XRCC6: variants seen among roughly 807,000 people sequenced by gnomAD.
XRCC6 encodes X-ray repair cross complementing 6, also known as DNA repair protein Ku70.
Under a neutral mutation model 65.7 loss-of-function variants are expected in XRCC6, and 5 were observed. The observed-to-expected ratio is 0.08, with a 90% CI of 0.04 to 0.16. XRCC6 has a LOEUF of 0.16. XRCC6 is among the 10% of genes least tolerant of loss of function. XRCC6 has a pLI of 1.00. For missense variants in XRCC6, 447 were observed against 738.1 expected (o/e 0.61, Z 4.57); for synonymous variants, 270 against 270.6 (o/e 1.00, Z 0.02).
intron 3 of XRCC6, 123 bp downstream of exon 3, chr22:41,628,353 G>GT: frequency 1.4e-6 from 1 of 691,726 alleles, no homozygotes; most frequent in Non-Finnish European, 2.4e-6. Flanking sequence ...GAGCCTAGGA[G>GT]TTTGAGACCA....
Position 41,661,444 on chromosome 22 carries a change from G to A in XRCC6, c.1636G>A (p.Asp546Asn). ...PEGKVTKRKHDNEGSGSKRPK... is the reference protein window; with the variant it reads ...PEGKVTKRKHNNEGSGSKRPK... ...AGGGAAAGTTACCAAGAGAAAACAC[G>A]GTGAGAAGCTGAATGTGGACATGTG... Residue 546 changes from aspartate (D) to asparagine (N), a missense_variant and splice_region_variant, in exon 12 of 13, where the codon GAT (aspartate) becomes AAT (asparagine). This residue lies in a region of XRCC6 where 201 missense variants were observed against 374.1 expected (regional missense o/e 0.54). Transcript: ENST00000360079. 3 of 1,613,066 alleles carry A rather than the reference G, an allele frequency of 1.9e-6. No homozygotes were observed. Among genetic ancestry groups the A allele is most frequent in the Non-Finnish European group, 2.5e-6 (3 of 1,179,492 alleles).
intron 7 of XRCC6, 26 bp downstream of exon 7, chr22:41,647,108 G>A (rs1437412237): frequency 1.2e-5 from 19 of 1,610,128 alleles, no homozygotes; most frequent in Non-Finnish European, 1.5e-5. Context: ...TTTTGTTGTT[G>A]TTGTTTTTGA....
chr22:41,627,820 G>A (rs1601527890), intron 2 of XRCC6, among the ~76,000 whole-genome samples: 1 of 152,050 alleles, frequency 6.6e-6, no homozygotes, highest in Non-Finnish European at 1.5e-5. Flanking sequence ...GTTGCAGTGA[G>A]CTATCATCGC....
At chr22:41,647,225 A>G (rs960646673) in intron 7 of XRCC6, 143 bp downstream of exon 7, 3 of 742,632 alleles carry the variant, frequency 4.0e-6, no homozygotes, top group African/African-American at 1.8e-5. Flanking sequence ...CAGCCTCCCA[A>G]GTAGCTGGGA....
At chr22:41,652,862 T>C (rs5751135) in intron 8 of XRCC6, among the ~76,000 whole-genome samples, 126,867 of 151,798 alleles carry the variant, frequency 0.84, 53,922 homozygotes, top group African/African-American at 0.95. Context: ...TTAGTAGAGA[T>C]GGGGTTTTAC....
chr22:41,627,271 G>C (rs185697748), intron 2 of XRCC6, among the ~76,000 whole-genome samples: 5 of 152,150 alleles, frequency 3.3e-5, no homozygotes, highest in African/African-American at 1.2e-4. Context: ...ATAAAGAAAC[G>C]TAAGGGGTGG....
intron 2 of XRCC6, among the ~76,000 whole-genome samples, chr22:41,624,224 A>G (rs919345424): frequency 2.0e-5 from 3 of 151,928 alleles, no homozygotes; most frequent in African/African-American, 7.3e-5. Flanking sequence ...ATCTCTACTA[A>G]AAAATACAAA....
chr22:41,636,679 C>G lies in XRCC6; in HGVS notation c.498C>G (p.Ile166Met), dbSNP rs372965250. ...DVQFKMSHKR[I>M]MLFTNEDNPH... ...AATTCAAGATGAGTCATAAGAGGATCATGCTGTTCACCAATGAAGACAACC... is the reference window on the plus strand; with the variant it reads ...AATTCAAGATGAGTCATAAGAGGATGATGCTGTTCACCAATGAAGACAACC... Residue 166 changes from isoleucine (I) to methionine (M), a missense_variant, in exon 5 of 13, where the codon ATC becomes ATG. Ile to Met is a conservative substitution (Grantham distance 10). This residue lies in a region of XRCC6 where 228 missense variants were observed against 307.4 expected (regional missense o/e 0.74). Transcript: ENST00000360079. 1.9e-6 allele frequency: 3 copies of G among 1,614,024 alleles called. No individual in the cohort carries two copies. The highest frequency in any genetic ancestry group is 2.5e-6 in the Non-Finnish European group (3 of 1,180,042).
intron 2 of XRCC6, among the ~76,000 whole-genome samples, chr22:41,623,685 C>T (rs1409730357): frequency 1.3e-5 from 2 of 150,560 alleles, no homozygotes; most frequent in Non-Finnish European, 3.0e-5. Context: ...CTGCGCCTGG[C>T]CTATCTGATT....
chr22:41,626,258 T>C (rs2067670703), intron 2 of XRCC6, among the ~76,000 whole-genome samples: 1 of 151,664 alleles, frequency 6.6e-6, no homozygotes. Context: ...TTCTCCCACC[T>C]CAGCCTCCAT....
intron 3 of XRCC6, among the ~76,000 whole-genome samples, chr22:41,629,983 C>CTTTTTT (rs60191841): frequency 2.1e-4 from 20 of 93,524 alleles, no homozygotes; most frequent in Non-Finnish European, 2.9e-4. Context: ...TGCATTTATG[C>CTTTTTT]TTTTTTTTTT....
chr22:41,659,165 A>G (rs2068076681), intron 11 of XRCC6, among the ~76,000 whole-genome samples: 2 of 151,914 alleles, frequency 1.3e-5, no homozygotes, highest in African/African-American at 2.4e-5. Flanking sequence ...AGAATGATCT[A>G]TTTTAGACAA....
At chr22:41,630,356 C>G (rs1331623232) in intron 3 of XRCC6, among the ~76,000 whole-genome samples, 1 of 151,998 alleles carries the variant, frequency 6.6e-6, no homozygotes, top group Non-Finnish European at 1.5e-5. Flanking sequence ...AGCAATCCAC[C>G]CACCTCAGCC....
chr22:41,646,032 GGTAGCTCACACCT>G (rs959748609), intron 6 of XRCC6, among the ~76,000 whole-genome samples: 22 of 151,874 alleles, frequency 1.4e-4, no homozygotes, highest in African/African-American at 5.3e-4. Context: ...GGCCAAACAT[GGTAGCTCACACCT>G]GTAATCCCAG....
In XRCC6 at chr22:41,636,148, C is replaced by G. The variant is rs769178314; in HGVS notation, c.231C>G (p.Ser77Arg). The G allele has an allele frequency of 6.3e-7, 1 of 1,598,792 alleles. No individual in the cohort carries two copies. Among genetic ancestry groups the G allele is most frequent in the South Asian group, 1.1e-5 (1 of 88,428 alleles). Residue 77 changes from serine (S) to arginine (R), a missense_variant, in exon 4 of 13, where the codon AGC (serine) becomes AGG (arginine). By Grantham distance (110) the Ser-to-Arg change is moderately radical (BLOSUM62 -1). This residue lies in a region of XRCC6 where 228 missense variants were observed against 307.4 expected (regional missense o/e 0.74). Coordinates refer to ENST00000360079, the MANE Select transcript of XRCC6 (RefSeq NM_001469.5). The part of the protein sequence containing the change: ...IQSVYISKII[S>R]SDRDLLAVVF... Reference sequence around the variant, plus strand: ...GTGTGTACATCAGTAAGATCATAAGCAGTGATCGAGATCTCTTGGCTGTGG... The same window carrying G: ...GTGTGTACATCAGTAAGATCATAAGGAGTGATCGAGATCTCTTGGCTGTGG...
chr22:41,658,730 A>G (rs2068070331), intron 11 of XRCC6, among the ~76,000 whole-genome samples: 1 of 152,190 alleles, frequency 6.6e-6, no homozygotes, highest in Non-Finnish European at 1.5e-5. Context: ...CCTGGCCAAC[A>G]TGTCTCTACT....
intron 3 of XRCC6, among the ~76,000 whole-genome samples, chr22:41,635,248 C>T (rs1195570074): frequency 6.6e-6 from 1 of 152,196 alleles, no homozygotes; most frequent in Non-Finnish European, 1.5e-5. Flanking sequence ...CAATGTAGTA[C>T]TTGGCACATG....
intron 3 of XRCC6, 97 bp from the exon 4 acceptor site, chr22:41,636,016 A>G (rs1601536197): frequency 1.8e-6 from 2 of 1,130,766 alleles, no homozygotes; most frequent in South Asian, 1.9e-5. Context: ...GCCATATACA[A>G]ATTCAGTGCA....
At chr22:41,647,148 G>C in intron 7 of XRCC6, 66 bp downstream of exon 7, 1 of 1,553,808 alleles carries the variant, frequency 6.4e-7, no homozygotes, top group Non-Finnish European at 8.8e-7. Context: ...GCCCAGGCTG[G>C]AGTGCAGTGG....
Sources: gnomAD v4.1 joint callset for allele counts (sites outside exome capture counted in the v4.1 genomes callset) on GRCh38, gnomAD v4.1.1 for gene constraint, gnomAD v4.1.1 regional missense constraint, MANE v1.5 for transcripts, NCBI Gene and HGNC (gene_info 2026-07-23, HGNC 2026-07-21) for gene names.